Variants in FANCD2 observed in about 807,000 individuals in gnomAD.
FANCD2 encodes Fanconi anemia group D2 protein.
FANCD2 carries 131 observed loss-of-function variants against 192.3 expected under a neutral mutation model. The ratio of observed to expected loss-of-function variants is 0.68; its 90% confidence interval spans 0.59 to 0.79. FANCD2 has a LOEUF of 0.79. Among genes scored for constraint, FANCD2 ranks in the 30% least tolerant of loss-of-function variants. FANCD2 has a pLI of 0.00. For missense variants in FANCD2, 1,508 were observed against 1,701.6 expected (o/e 0.89, Z 2.00); for synonymous variants, 524 against 612.5 (o/e 0.86, Z 2.13).
At chr3:10,056,957 C>T (rs550957261) in intron 18 of FANCD2, among the ~76,000 whole-genome samples, 8 of 152,208 alleles carry the variant, frequency 5.3e-5, no homozygotes, top group East Asian at 1.9e-4. Context: ...CAGGCTCAAG[C>T]GATCCTCCCA....
At position 10,037,010 on chromosome 3, in the gene FANCD2, G is replaced by GTT. The variant is rs369295785; in HGVS notation, c.491+671_491+672insTT. On this transcript the variant is annotated intron_variant, in intron 7 of 43. Transcript: ENST00000675286. Reference sequence around the variant, plus strand: ...GCCACCCGGTCCAGCTAATTTTCGTGGTTTTTTTTTTTTTGGTAGAGGTGG... The same window carrying GTT: ...GCCACCCGGTCCAGCTAATTTTCGTGTTGTTTTTTTTTTTTTGGTAGAGGTGG... 5.1e-3 allele frequency among the ~76,000 whole-genome samples: 767 copies of GTT among 149,878 alleles called. 6 individuals carry two copies. The highest frequency in any genetic ancestry group is 0.018 in the African/African-American group (719 of 40,664).
intron 43 of FANCD2, 166 bp downstream of exon 43, chr3:10,098,981 C>G: frequency 6.2e-7 from 1 of 1,613,944 alleles, no homozygotes; most frequent in Non-Finnish European, 8.5e-7. Flanking sequence ...TTTTTGGGAC[C>G]CAGAAGAAAC....
intron 2 of FANCD2, among the ~76,000 whole-genome samples, chr3:10,029,220 C>T (rs2086530604): frequency 6.6e-6 from 1 of 152,156 alleles, no homozygotes; most frequent in African/African-American, 2.4e-5. Context: ...GAGTTGATGG[C>T]TGGGTGCTAT....
intron 19 of FANCD2, among the ~76,000 whole-genome samples, chr3:10,061,218 C>T (rs1329408593): frequency 6.6e-6 from 1 of 152,254 alleles, no homozygotes; most frequent in East Asian, 1.9e-4. Flanking sequence ...TGTTTCCTTG[C>T]AGTCAGCTCC....
At chr3:10,053,383 G>C (rs1008311861) in intron 18 of FANCD2, among the ~76,000 whole-genome samples, 5 of 150,788 alleles carry the variant, frequency 3.3e-5, no homozygotes, top group African/African-American at 4.9e-5. Flanking sequence ...TTTGTGGGGT[G>C]GGGGGAGGCG....
intron 39 of FANCD2, 81 bp downstream of exon 39, chr3:10,093,404 C>T (rs1441885448): frequency 8.1e-7 from 1 of 1,229,602 alleles, no homozygotes; most frequent in Non-Finnish European, 1.2e-6. Flanking sequence ...AGATAAATTG[C>T]TCAATTTCTT....
intron 29 of FANCD2, 84 bp from the exon 30 acceptor site, chr3:10,077,997 C>A: frequency 1.0e-6 from 1 of 955,634 alleles, no homozygotes; most frequent in Non-Finnish European, 1.7e-6. Flanking sequence ...CTTGCCACTG[C>A]ACATTTAACA....
intron 14 of FANCD2, chr3:10,045,563 C>T (rs2086981548): frequency 6.7e-6 from 1 of 150,022 alleles, no homozygotes; most frequent in South Asian, 2.1e-4. Context: ...TATTGATGGG[C>T]ATTTATAGTC....
intron 1 of FANCD2, among the ~76,000 whole-genome samples, chr3:10,027,433 G>A (rs1455324129): frequency 6.6e-6 from 1 of 152,192 alleles, no homozygotes; most frequent in Non-Finnish European, 1.5e-5. Context: ...AGACCACGAA[G>A]GTTCTGATTT....
In FANCD2 at chr3:10,032,717, C is replaced by G. The variant is rs913987674; in HGVS notation, c.65-115C>G. The stretch of plus-strand genomic sequence containing the variant: ...AGTTTATTTCACTACAGCATCAATC[C>G]TAGTATAATTTTTAAGGACACATCA... On this transcript the variant is annotated intron_variant, in intron 2 of 43. Transcript: ENST00000675286. 9 of 851,634 alleles carry G rather than the reference C, an allele frequency of 1.1e-5. No individual in the cohort carries two copies. The African/African-American group carries it at 1.5e-4, about 14-fold the overall frequency. The allele number at this position is 851,634 out of a possible 1,614,324, so 52.8% of individuals were successfully genotyped here.
Position 10,039,857 on chromosome 3 carries a change from C to G in FANCD2, c.695+12C>G, listed in dbSNP as rs935952569. 1 of 1,613,876 alleles carries G rather than the reference C, an allele frequency of 6.2e-7. No individual in the cohort carries two copies. Among genetic ancestry groups the G allele is most frequent in the African/African-American group, 1.3e-5 (1 of 74,864 alleles). On this transcript the variant is annotated intron_variant, in intron 9 of 43. Transcript: ENST00000675286. ...GGGAAAGAACTCAGGTGGATAAACC[C>G]TCTGTCATCATCTAAGTGAGGCTCA...
intron 2 of FANCD2, among the ~76,000 whole-genome samples, chr3:10,029,081 G>GAC (rs2086527735): frequency 6.6e-6 from 1 of 152,194 alleles, no homozygotes; most frequent in African/African-American, 2.4e-5. Context: ...TTATGATCTA[G>GAC]ACACATGCTA....
intron 8 of FANCD2, 81 bp from the exon 9 acceptor site, chr3:10,039,640 T>C: frequency 1.3e-6 from 2 of 1,499,528 alleles, no homozygotes; most frequent in Non-Finnish European, 1.9e-6. Flanking sequence ...TCAAATAATT[T>C]CAGCTCTGCA....
chr3:10,051,414 GGAGT>G (rs1322256037), intron 17 of FANCD2, among the ~76,000 whole-genome samples: 1 of 47,984 alleles, frequency 2.1e-5, no homozygotes, highest in African/African-American at 1.4e-4. Flanking sequence ...AAAACAAAAA[GGAGT>G]GAGGGATTTA....
chr3:10,044,289 C>T (rs529605892), intron 14 of FANCD2, among the ~76,000 whole-genome samples: 1 of 152,196 alleles, frequency 6.6e-6, no homozygotes, highest in Admixed American at 6.5e-5. Context: ...GTAGACCTGA[C>T]TAGAGTAAAT....
chr3:10,077,669 C>T (rs1480959517), intron 29 of FANCD2, among the ~76,000 whole-genome samples: 1 of 151,922 alleles, frequency 6.6e-6, no homozygotes, highest in African/African-American at 2.4e-5. Flanking sequence ...AGGAGGATTG[C>T]TCAAGCCCAG....
chr3:10,043,523 T>C lies in FANCD2; in HGVS notation c.1029T>C (p.Ile343=). 6.2e-7 allele frequency: 1 copy of C among 1,613,936 alleles called. No homozygotes were observed. Among genetic ancestry groups the C allele is most frequent in the Non-Finnish European group, 8.5e-7 (1 of 1,179,822 alleles). Residue 343 remains isoleucine, a synonymous_variant, in exon 13 of 44, where the codon ATT becomes ATC. Coordinates refer to ENST00000675286, the MANE Select transcript of FANCD2 (RefSeq NM_001018115.3). ...GNQESSGQSC[I]ILLFDVIKSA... ...AAGAAAGCAGCGGTCAGAGCTGTAT[T>C]ATTCTCCTCTTTGATGTAATAAAGT...
At chr3:10,066,061 A>G in intron 25 of FANCD2, 82 bp downstream of exon 25, 1 of 877,658 alleles carries the variant, frequency 1.1e-6, no homozygotes, top group Admixed American at 2.0e-5. Context: ...AAGACTCCCT[A>G]GAAGTCTTCA....
chr3:10,090,785 G>A (rs1040858089), intron 37 of FANCD2, among the ~76,000 whole-genome samples: 3 of 152,104 alleles, frequency 2.0e-5, no homozygotes, highest in African/African-American at 4.8e-5. Flanking sequence ...TATGTCTTGG[G>A]TCCAAGTTTT....
Sources: allele counts gnomAD v4.1 joint callset (sites outside exome capture counted in the v4.1 genomes callset), GRCh38; gene constraint gnomAD v4.1.1; transcripts MANE v1.5; gene names NCBI Gene and HGNC (gene_info 2026-07-23, HGNC 2026-07-21).